The following CRISPLD2 variants were observed in gnomAD, a reference collection of about 807,000 sequenced individuals.
CRISPLD2 encodes the protein cysteine rich secretory protein LCCL domain containing 2.
In CRISPLD2, 47 loss-of-function variants were observed where a neutral mutation model predicts 71.1. That is an observed-to-expected ratio of 0.66 (90% CI 0.52 to 0.84). The LOEUF (loss-of-function observed/expected upper bound fraction) is 0.84, where lower values mean the gene tolerates loss of function less well. Ranked by LOEUF, CRISPLD2 falls within the 40% of genes least tolerant of loss-of-function variation. The pLI, the probability that CRISPLD2 is intolerant of heterozygous loss-of-function variation, is 0.00. For missense variants in CRISPLD2, 830 were observed against 651.1 expected, an observed-to-expected ratio of 1.27 and a Z score of -2.99; for synonymous variants, 317 against 250.1, an observed-to-expected ratio of 1.27 and a Z score of -2.52.
At chr16:84,860,129 C>T (rs1917341876) in intron 6 of CRISPLD2, among the ~76,000 whole-genome samples, 1 of 152,224 alleles carries the variant, frequency 6.6e-6, no homozygotes, top group Admixed American at 6.5e-5. Flanking sequence ...TTCCAGTTCA[C>T]TCACAGTGGG....
intron 14 of CRISPLD2, among the ~76,000 whole-genome samples, chr16:84,903,737 G>A (rs1023072198): frequency 1.3e-5 from 2 of 152,204 alleles, no homozygotes; most frequent in African/African-American, 4.8e-5. Flanking sequence ...GGATGCATGG[G>A]AAATCTTATT....
intron 1 of CRISPLD2, among the ~76,000 whole-genome samples, chr16:84,833,901 G>A (rs58151657): frequency 0.13 from 19,926 of 152,224 alleles, 1,476 homozygotes; most frequent in Middle Eastern, 0.24. Context: ...GGGTGGAAGA[G>A]AACTTTAGGG....
chr16:84,889,187 C>G, intron 13 of CRISPLD2, 43 bp from the exon 14 acceptor site: 1 of 1,613,222 alleles, frequency 6.2e-7, no homozygotes, highest in Non-Finnish European at 8.5e-7. Context: ...GACCCATGAG[C>G]TGGAATCCGC....
chr16:84,871,371 C>T (rs1420173101), intron 8 of CRISPLD2, among the ~76,000 whole-genome samples: 1 of 152,126 alleles, frequency 6.6e-6, no homozygotes, highest in East Asian at 1.9e-4. Context: ...GCCTGGGCAA[C>T]ATGGCAAAAC....
At chr16:84,877,986 G>A (rs1326301672) in intron 12 of CRISPLD2, among the ~76,000 whole-genome samples, 4 of 151,324 alleles carry the variant, frequency 2.6e-5, no homozygotes, top group African/African-American at 4.9e-5. Context: ...CGAGGCAGGC[G>A]GATCACGAGG....
intron 13 of CRISPLD2, among the ~76,000 whole-genome samples, chr16:84,884,763 T>A (rs1333401949): frequency 1.3e-5 from 2 of 152,210 alleles, no homozygotes; most frequent in African/African-American, 4.8e-5. Flanking sequence ...TGCAGCTTGA[T>A]GTTATCACAG....
At chr16:84,903,971 G>A (rs1159863557) in intron 14 of CRISPLD2, among the ~76,000 whole-genome samples, 6 of 152,224 alleles carry the variant, frequency 3.9e-5, no homozygotes, top group African/African-American at 9.6e-5. Flanking sequence ...TTCTTGATTT[G>A]AAGCAGAGCG....
intron 14 of CRISPLD2, among the ~76,000 whole-genome samples, chr16:84,896,383 TAGAG>T (rs1567705879): frequency 2.0e-5 from 3 of 151,872 alleles, no homozygotes; most frequent in Non-Finnish European, 4.4e-5. Flanking sequence ...AGACTATATA[TAGAG>T]AGAGACACAC....
At chr16:84,901,787 CTTTTTTTTTTTTT>C (rs760025598) in intron 14 of CRISPLD2, among the ~76,000 whole-genome samples, 1 of 87,846 alleles carries the variant, frequency 1.1e-5, no homozygotes, top group African/African-American at 5.9e-5. Flanking sequence ...ACTGGTTGCA[CTTTTTTTTTTTTT>C]TTTTTTTTTT....
intron 6 of CRISPLD2, among the ~76,000 whole-genome samples, chr16:84,866,495 C>T (rs1013646535): frequency 1.4e-4 from 22 of 152,320 alleles, no homozygotes; most frequent in Middle Eastern, 3.4e-3. Context: ...CTCAGCCTCC[C>T]AAAGTGCTGG....
chr16:84,841,626 C>T (rs564488776), intron 2 of CRISPLD2, among the ~76,000 whole-genome samples: 16 of 151,530 alleles, frequency 1.1e-4, no homozygotes, highest in Admixed American at 5.9e-4. Context: ...GACAGAGTCT[C>T]GCTCTGTCCC....
Position 84,906,798 on chromosome 16 carries a change from T to C in CRISPLD2, c.*156T>C. ...TTTGTGGCCTGTGGGTGAGGTGACA[T>C]CTCATCCCCTCACTGAAGCAACAGC... On this transcript the variant is annotated 3_prime_UTR_variant, in exon 15 of 15. Transcript: ENST00000262424. 3 of 830,226 alleles carry C rather than the reference T, an allele frequency of 3.6e-6. No homozygotes were observed. Among genetic ancestry groups the C allele is most frequent in the Non-Finnish European group, 6.1e-6 (3 of 495,460 alleles). The allele number at this position is 830,226 out of a possible 1,614,324, so 51.4% of individuals were successfully genotyped here.
intron 1 of CRISPLD2, among the ~76,000 whole-genome samples, chr16:84,827,561 T>TC (rs1031949714): frequency 9.1e-6 from 1 of 110,176 alleles, no homozygotes; most frequent in African/African-American, 3.4e-5. Flanking sequence ...GCCCTTTCTT[T>TC]TTTTTTTTTT....
intron 13 of CRISPLD2, among the ~76,000 whole-genome samples, chr16:84,887,753 G>A (rs1252367259): frequency 6.6e-6 from 1 of 152,150 alleles, no homozygotes; most frequent in African/African-American, 2.4e-5. Flanking sequence ...GTGCGTGCCT[G>A]TAATCCCAGC....
intron 1 of CRISPLD2, among the ~76,000 whole-genome samples, chr16:84,830,017 T>G (rs565946529): frequency 2.6e-5 from 4 of 152,214 alleles, no homozygotes; most frequent in Non-Finnish European, 5.9e-5. Context: ...TACCAGCTCT[T>G]GAGAGCTGAT....
chr16:84,884,238 C>A (rs548019206), intron 13 of CRISPLD2, among the ~76,000 whole-genome samples: 26 of 152,330 alleles, frequency 1.7e-4, no homozygotes, highest in Non-Finnish European at 2.4e-4. Flanking sequence ...GGCAGTCCCG[C>A]CTCTGATCTT....
Position 84,894,364 on chromosome 16 carries a change from T to C in CRISPLD2, c.1439+5001T>C, listed in dbSNP as rs141058283. On this transcript the variant is annotated intron_variant, in intron 14 of 14. Coordinates refer to ENST00000262424, the MANE Select transcript of CRISPLD2 (RefSeq NM_031476.4). Reference sequence around the variant, plus strand: ...AGATTTTGCAAGAGATTGGGAAATATATAAACAATGACAGTGAGCATTCTT... The same window carrying C: ...AGATTTTGCAAGAGATTGGGAAATACATAAACAATGACAGTGAGCATTCTT... Among the ~76,000 whole-genome samples the C allele has an allele frequency of 1.1e-4, 16 of 152,342 alleles. No homozygotes were observed. The East Asian group carries it at 2.9e-3, about 28-fold the overall frequency.
At position 84,847,228 on chromosome 16, in the gene CRISPLD2, G is replaced by A. The variant is rs559561504; in HGVS notation, c.359+1324G>A. On this transcript the variant is annotated intron_variant, in intron 3 of 14. Transcript: ENST00000262424. ...GGGTTTCACTGGGCCACGGGCAGCC[G>A]CACCTTCCTCTGCATCCGTGGGTTT... is the stretch of plus-strand genomic sequence containing the variant. Among the ~76,000 whole-genome samples, 10 of 152,306 alleles carry A rather than the reference G, an allele frequency of 6.6e-5. No individual in the cohort carries two copies. The South Asian group carries it at 2.1e-3, about 32-fold the overall frequency.
chr16:84,870,225 G>T (rs1419844300), intron 8 of CRISPLD2, among the ~76,000 whole-genome samples: 1 of 152,014 alleles, frequency 6.6e-6, no homozygotes, highest in African/African-American at 2.4e-5. Context: ...AAAAAAATGT[G>T]TTCCAAAATC....
Sources: gnomAD v4.1 joint callset for allele counts (sites outside exome capture counted in the v4.1 genomes callset) on GRCh38, gnomAD v4.1.1 for gene constraint, MANE v1.5 for transcripts, NCBI Gene and HGNC (gene_info 2026-07-23, HGNC 2026-07-21) for gene names.